SDK1: variants seen among roughly 807,000 people sequenced by gnomAD.
SDK1 encodes sidekick cell adhesion molecule 1, also known as protein sidekick-1.
Under a neutral mutation model 245.5 loss-of-function variants are expected in SDK1, and 157 were observed. That is an observed-to-expected ratio of 0.64 (90% CI 0.56 to 0.73). The LOEUF (loss-of-function observed/expected upper bound fraction) is 0.73, where lower values mean the gene tolerates loss of function less well. Ranked by LOEUF, SDK1 falls within the 30% of genes least tolerant of loss-of-function variation. The pLI is 0.00. For synonymous variants in SDK1, 1,647 were observed against 1,278.5 expected, an observed-to-expected ratio of 1.29 and a Z score of -6.15; for missense variants, 3,583 against 3,002.3, an observed-to-expected ratio of 1.19 and a Z score of -4.52.
At chr7:3,567,708 T>C (rs1779971633) in intron 1 of SDK1, among the ~76,000 whole-genome samples, 1 of 152,246 alleles carries the variant, frequency 6.6e-6, no homozygotes, top group Admixed American at 6.5e-5. Flanking sequence ...TCTTTGGTTC[T>C]TTTTTGGTTC....
At chr7:4,139,219 A>G (rs1355332898) in intron 28 of SDK1, among the ~76,000 whole-genome samples, 1 of 150,660 alleles carries the variant, frequency 6.6e-6, no homozygotes, top group Non-Finnish European at 1.5e-5. Context: ...CCAAATCGCC[A>G]CTTGCACTCC....
chr7:3,471,848 C>T (rs369903379), intron 1 of SDK1, among the ~76,000 whole-genome samples: 55 of 152,222 alleles, frequency 3.6e-4, no homozygotes, highest in African/African-American at 1.3e-3. Flanking sequence ...GGGACTTTAT[C>T]CATTGAACTT....
At chr7:4,255,660 G>C (rs1173924627) in intron 44 of SDK1, among the ~76,000 whole-genome samples, 1 of 152,126 alleles carries the variant, frequency 6.6e-6, no homozygotes, top group African/African-American at 2.4e-5. Flanking sequence ...AGTTGGGTTG[G>C]GGGAAAGGGG....
intron 4 of SDK1, among the ~76,000 whole-genome samples, chr7:3,644,045 G>A (rs1367911979): frequency 1.3e-5 from 2 of 151,138 alleles, no homozygotes; most frequent in East Asian, 3.9e-4. Context: ...TGGGACTGCA[G>A]GTGTGTGTCA....
At chr7:3,670,432 G>A (rs1783661520) in intron 4 of SDK1, among the ~76,000 whole-genome samples, 1 of 152,180 alleles carries the variant, frequency 6.6e-6, no homozygotes, top group South Asian at 2.1e-4. Flanking sequence ...TACTAGGTAT[G>A]ATCTTAGACA....
chr7:3,742,006 A>ATATATATT, intron 4 of SDK1, among the ~76,000 whole-genome samples: 1 of 148,956 alleles, frequency 6.7e-6, no homozygotes, highest in Admixed American at 6.7e-5. Context: ...ATATATATAT[A>ATATATATT]TATATATGCT....
chr7:3,752,133 C>T (rs750142080), intron 4 of SDK1, among the ~76,000 whole-genome samples: 5 of 152,134 alleles, frequency 3.3e-5, no homozygotes, highest in South Asian at 4.1e-4. Flanking sequence ...TTGCACTTTT[C>T]GTTTTCATCT....
intron 4 of SDK1, among the ~76,000 whole-genome samples, chr7:3,729,169 A>G (rs1396448657): frequency 6.6e-6 from 1 of 152,172 alleles, no homozygotes; most frequent in Non-Finnish European, 1.5e-5. Flanking sequence ...TAAAGTTTGG[A>G]TGTAAGATCT....
At chr7:4,104,428 G>A (rs1403487751) in intron 22 of SDK1, among the ~76,000 whole-genome samples, 1 of 152,202 alleles carries the variant, frequency 6.6e-6, no homozygotes, top group East Asian at 1.9e-4. Context: ...TTGACTTACT[G>A]TTTGTTGATT....
chr7:3,574,599 C>G (rs566739009), intron 1 of SDK1, among the ~76,000 whole-genome samples: 1 of 152,050 alleles, frequency 6.6e-6, no homozygotes, highest in Non-Finnish European at 1.5e-5. Context: ...GTGCAGCGTG[C>G]CTGCCATTTG....
chr7:4,110,215 G>A (rs990314870), intron 22 of SDK1, among the ~76,000 whole-genome samples: 1 of 152,158 alleles, frequency 6.6e-6, no homozygotes, highest in Non-Finnish European at 1.5e-5. Flanking sequence ...GGTTGGGGTC[G>A]AAGCTGGACC....
rs1007241518 is a variant in SDK1 at position 4,266,689 on chromosome 7, C to T, written c.*1305C>T. 2.9e-5 allele frequency: 29 copies of T among 985,360 alleles called. No homozygotes were observed. The highest frequency in any genetic ancestry group is 3.5e-5 in the Non-Finnish European group (29 of 829,956). The allele number at this position is 985,360 out of a possible 1,614,324, so 61.0% of individuals were successfully genotyped here. On this transcript the variant is annotated 3_prime_UTR_variant, in exon 45 of 45. Transcript: ENST00000404826. Reference sequence around the variant, plus strand: ...AGATGGCCATGCCTCCAGCCCCTCACGTCATCTTTGCAACAGACGACTGGG... The same window carrying T: ...AGATGGCCATGCCTCCAGCCCCTCATGTCATCTTTGCAACAGACGACTGGG...
At chr7:4,230,515 C>T (rs1280954451) in intron 40 of SDK1, among the ~76,000 whole-genome samples, 1 of 132,250 alleles carries the variant, frequency 7.6e-6, no homozygotes, top group African/African-American at 2.9e-5. Flanking sequence ...AGGTTGGTTA[C>T]ATGGATGAAT....
chr7:4,159,097 GAA>G (rs1780955696), intron 31 of SDK1, among the ~76,000 whole-genome samples: 1 of 152,250 alleles, frequency 6.6e-6, no homozygotes, highest in South Asian at 2.1e-4. Context: ...GGGTGGGATG[GAA>G]AAGAGTGGAT....
intron 44 of SDK1, among the ~76,000 whole-genome samples, chr7:4,255,678 A>G (rs1787576693): frequency 6.6e-6 from 1 of 152,136 alleles, no homozygotes; most frequent in Non-Finnish European, 1.5e-5. Context: ...GGGAAGCTGG[A>G]TAAGAGATGC....
intron 4 of SDK1, among the ~76,000 whole-genome samples, chr7:3,788,231 G>A (rs1312539226): frequency 2.0e-5 from 3 of 152,204 alleles, no homozygotes; most frequent in South Asian, 2.1e-4. Flanking sequence ...GGCTACTGCT[G>A]CCGGACACCA....
At chr7:3,897,745 C>CTGTGTGTG (rs56863215) in intron 5 of SDK1, among the ~76,000 whole-genome samples, 1 of 150,064 alleles carries the variant, frequency 6.7e-6, no homozygotes, top group African/African-American at 2.4e-5. Context: ...GTTTTTACAG[C>CTGTGTGTG]TGTGTGTGTG....
Position 4,085,272 on chromosome 7 carries a change from C to T in SDK1, c.3324+5688C>T, listed in dbSNP as rs115129283. ...CAAAATTATAATCTCAGTGGTATGA[C>T]TAACAGAGACTACTGAATGAAATTT... On this transcript the variant is annotated intron_variant, in intron 22 of 44. Transcript: ENST00000404826. Among the ~76,000 whole-genome samples the T allele has an allele frequency of 5.7e-3, 865 of 152,236 alleles. 10 individuals carry two copies. Among genetic ancestry groups the T allele is most frequent in the African/African-American group, 0.02 (836 of 41,546 alleles).
intron 1 of SDK1, among the ~76,000 whole-genome samples, chr7:3,498,208 T>C (rs550343486): frequency 6.6e-6 from 1 of 152,348 alleles, no homozygotes; most frequent in Non-Finnish European, 1.5e-5. Flanking sequence ...AAGCCTGCCT[T>C]GAAAAAAGTC....
Sources: allele counts gnomAD v4.1 joint callset (sites outside exome capture counted in the v4.1 genomes callset), GRCh38; gene constraint gnomAD v4.1.1; transcripts MANE v1.5; gene names NCBI Gene and HGNC (gene_info 2026-07-23, HGNC 2026-07-21).